Variants in SP2 observed in about 807,000 individuals in gnomAD.
SP2 encodes the protein transcription factor Sp2.
In SP2, 9 loss-of-function variants were observed where a neutral mutation model predicts 50.1. The observed-to-expected ratio is 0.18, with a 90% CI of 0.11 to 0.31. SP2 has a LOEUF of 0.31. Among genes scored for constraint, SP2 ranks in the 10% least tolerant of loss-of-function variants. The pLI is 1.00. For missense variants in SP2, 581 were observed against 806.5 expected (o/e 0.72, Z 3.39); for synonymous variants, 313 against 326.6 (o/e 0.96, Z 0.45).
chr17:47,906,779 G>A lies in SP2; in HGVS notation c.8-8533G>A, dbSNP rs570171951. On this transcript the variant is annotated intron_variant, in intron 1 of 6. Coordinates refer to ENST00000376741, the MANE Select transcript of SP2 (RefSeq NM_003110.6). ...TCAGTGCCCCAGGTGTCTGTGGCCA[G>A]CCCTAATGGAAGACCCACAGAGGGC... Among the ~76,000 whole-genome samples the A allele has an allele frequency of 1.5e-4, 23 of 152,280 alleles. No individual in the cohort carries two copies. The South Asian group carries it at 1.9e-3, about 12-fold the overall frequency.
chr17:47,917,714 A>G (rs1439643271), intron 3 of SP2: 3 of 404,230 alleles, frequency 7.4e-6, no homozygotes, highest in African/African-American at 6.3e-5. Context: ...TCCTGGGCTC[A>G]AGCAATCCTC....
chr17:47,927,531 C>CAAAA (rs61309845), intron 6 of SP2, among the ~76,000 whole-genome samples, 193 bp from the exon 7 acceptor site: 1 of 83,964 alleles, frequency 1.2e-5, no homozygotes, highest in Non-Finnish European at 2.4e-5. Flanking sequence ...GACTCCATCT[C>CAAAA]AAAAAAAAAA....
At chr17:47,910,372 A>G (rs1193982852) in intron 1 of SP2, among the ~76,000 whole-genome samples, 1 of 152,224 alleles carries the variant, frequency 6.6e-6, no homozygotes, top group Non-Finnish European at 1.5e-5. Flanking sequence ...TGTGTGGTGT[A>G]TGTATGCATA....
Position 47,923,284 on chromosome 17 carries a change from GC to G in SP2, c.1372+14del. 3.8e-6 allele frequency: 6 copies of G among 1,591,808 alleles called. No individual in the cohort carries two copies. Among genetic ancestry groups the G allele is most frequent in the Non-Finnish European group, 5.1e-6 (6 of 1,173,282 alleles). On this transcript the variant is annotated intron_variant, in intron 4 of 6. Transcript: ENST00000376741. ...ATCACCAACACAGGCGGTGAGGATGGCCCCTGTGGCCAGGGTGTTGGCAGTG... is the reference window on the plus strand; with the variant it reads ...ATCACCAACACAGGCGGTGAGGATGGCCCTGTGGCCAGGGTGTTGGCAGTG...
intron 3 of SP2, among the ~76,000 whole-genome samples, chr17:47,920,435 C>T (rs1447285095): frequency 3.9e-5 from 6 of 151,998 alleles, no homozygotes; most frequent in Non-Finnish European, 8.8e-5. Flanking sequence ...TACAGGCGAG[C>T]GCCACCATGC....
downstream of SP2, among the ~76,000 whole-genome samples, chr17:47,929,519 G>A (rs2035775471): frequency 6.6e-6 from 1 of 152,242 alleles, no homozygotes; most frequent in Non-Finnish European, 1.5e-5. Context: ...ACCCGATAGA[G>A]GACTCTGGCC....
intron 1 of SP2, among the ~76,000 whole-genome samples, chr17:47,906,435 C>A (rs1451043812): frequency 6.6e-6 from 1 of 152,162 alleles, no homozygotes; most frequent in Non-Finnish European, 1.5e-5. Context: ...ATGGCCCACC[C>A]TGGGGAGCCC....
chr17:47,924,118 T>C (rs1325734578), intron 4 of SP2, among the ~76,000 whole-genome samples: 1 of 151,222 alleles, frequency 6.6e-6, no homozygotes, highest in African/African-American at 2.4e-5. Context: ...AACTGTGTCC[T>C]CTTTTGTGTT....
intron 3 of SP2, among the ~76,000 whole-genome samples, chr17:47,918,858 T>C (rs991860201): frequency 1.3e-5 from 2 of 152,232 alleles, no homozygotes; most frequent in Non-Finnish European, 2.9e-5. Flanking sequence ...TAAAGTTTAA[T>C]TGGAGTGCAG....
intron 1 of SP2, 165 bp downstream of exon 1, chr17:47,896,458 G>A (rs1359800828): frequency 1.9e-6 from 1 of 537,108 alleles, no homozygotes; most frequent in East Asian, 3.5e-5. Flanking sequence ...ATTCCCGCCC[G>A]GAGGAGGAGC....
Position 47,916,494 on chromosome 17 carries a change from C to G in SP2, c.423C>G (p.Ser141Arg). 1 of 1,614,122 alleles carries G rather than the reference C, an allele frequency of 6.2e-7. No homozygotes were observed. Among genetic ancestry groups the G allele is most frequent in the Non-Finnish European group, 8.5e-7 (1 of 1,180,028 alleles). Residue 141 changes from serine (S) to arginine (R), a missense_variant, in exon 3 of 7, where the codon AGC (serine) becomes AGG (arginine). By Grantham distance (110) the Ser-to-Arg change is moderately radical. This residue lies in a region of SP2 where 397 missense variants were observed against 491.0 expected (regional missense o/e 0.81). Transcript: ENST00000376741. The surrounding 1 kb of genome is among the most constrained non-coding windows in gnomAD (Gnocchi z 4.7). The stretch of plus-strand genomic sequence containing the variant: ...AGGCGGTCCCTCAGATTCAGGCAAG[C>G]AATTCCCAAACCATCCAAGTACAGC... ...QYQAVPQIQASNSQTIQVQPN... is the reference protein window; with the variant it reads ...QYQAVPQIQARNSQTIQVQPN...
At chr17:47,903,962 CAA>C (rs1349516268) in intron 1 of SP2, among the ~76,000 whole-genome samples, 1 of 118,550 alleles carries the variant, frequency 8.4e-6, no homozygotes, top group African/African-American at 3.2e-5. Context: ...GACTTTGTCT[CAA>C]AAAAAAAAAA....
chr17:47,916,700 T>G lies in SP2; in HGVS notation c.629T>G (p.Val210Gly). The change falls in exon 3 of 7, where the codon GTG (valine) becomes GGG (glycine). Residue 210 changes from valine to glycine, a missense_variant. Val to Gly is a moderately radical substitution (Grantham distance 109). Transcript: ENST00000376741. This position sits in a 1 kb window ranked among gnomAD's most constrained non-coding sequence, Gnocchi z 4.7. Reference sequence around the variant, plus strand: ...AAGCTGACAGGTGGGGGCGGCAATGTGACGCTCACTCTGCCCGTCAACAAC... The same window carrying G: ...AAGCTGACAGGTGGGGGCGGCAATGGGACGCTCACTCTGCCCGTCAACAAC... ...VVKLTGGGGN[V>G]TLTLPVNNLV... 1 of 1,613,554 alleles carries G rather than the reference T, an allele frequency of 6.2e-7. No individual in the cohort carries two copies. Among genetic ancestry groups the G allele is most frequent in the African/African-American group, 1.3e-5 (1 of 75,006 alleles).
intron 3 of SP2, among the ~76,000 whole-genome samples, chr17:47,920,008 TTTTGTA>T (rs2144014285): frequency 6.6e-6 from 1 of 151,608 alleles, no homozygotes; most frequent in African/African-American, 2.4e-5. Context: ...GGCTAATTTT[TTTTGTA>T]TTTTTAGTAG....
At chr17:47,901,381 G>A (rs781237947) in intron 1 of SP2, among the ~76,000 whole-genome samples, 13 of 152,082 alleles carry the variant, frequency 8.5e-5, no homozygotes, top group Middle Eastern at 6.8e-3. Context: ...TCTTGACCTC[G>A]TGATCCATCC....
intron 1 of SP2, among the ~76,000 whole-genome samples, chr17:47,912,171 A>G (rs2035017711): frequency 6.6e-6 from 1 of 152,062 alleles, no homozygotes; most frequent in Non-Finnish European, 1.5e-5. Flanking sequence ...CCTTGTGGTC[A>G]CTCCTTCCTT....
In SP2 at chr17:47,922,975, C is replaced by T. The variant is rs373140962; in HGVS notation, c.1073C>T (p.Thr358Met). ...EPTPTQVYIR[T>M]PSGEVQTVLV... is the part of the protein sequence containing the mutation. ...GGCCCCTCCCAGGTCTACATCCGCA[C>T]GCCTTCCGGTGAGGTGCAGACAGTC... Residue 358 changes from threonine (T) to methionine (M), a missense_variant, in exon 4 of 7, where the codon ACG (threonine) becomes ATG (methionine). Physicochemically the swap from Thr to Met is moderately conservative, Grantham distance 81. Around this residue, in one of 2 missense-constraint regions of SP2, gnomAD observed 397 missense variants for 491.0 expected, o/e 0.81. Transcript: ENST00000376741. 143 of 1,611,944 alleles carry T rather than the reference C, an allele frequency of 8.9e-5. No individual in the cohort carries two copies. The highest frequency in any genetic ancestry group is 1.6e-4 in the East Asian group (7 of 44,848).
intron 1 of SP2, among the ~76,000 whole-genome samples, chr17:47,913,140 C>A (rs550005975): frequency 6.6e-6 from 1 of 152,096 alleles, no homozygotes; most frequent in Non-Finnish European, 1.5e-5. Flanking sequence ...GGATTACAGG[C>A]GTGAACCACC....
At position 47,925,053 on chromosome 17, in the gene SP2, A is replaced by C. The variant is rs1319113676; in HGVS notation, c.1507A>C (p.Met503Leu). ...ETQPGEKRRR[M>L]ACTCPNCKDG... Reference sequence around the variant, plus strand: ...CCAGCCCGGGGAGAAGCGGCGCCGCATGGCCTGCACGTGTCCCAACTGCAA... The same window carrying C: ...CCAGCCCGGGGAGAAGCGGCGCCGCCTGGCCTGCACGTGTCCCAACTGCAA... The change falls in exon 5 of 7, where the codon ATG (methionine) becomes CTG (leucine). Residue 503 changes from methionine (M) to leucine (L), a missense_variant. Transcript: ENST00000376741. The C allele has an allele frequency of 1.2e-6, 2 of 1,613,854 alleles. No individual in the cohort carries two copies. Among genetic ancestry groups the C allele is most frequent in the East Asian group, 4.5e-5 (2 of 44,878 alleles).
Sources: allele counts gnomAD v4.1 joint callset (sites outside exome capture counted in the v4.1 genomes callset), GRCh38; gene constraint gnomAD v4.1.1; regional missense constraint gnomAD v4.1.1; non-coding constraint Gnocchi (gnomAD v3.1); transcripts MANE v1.5; gene names NCBI Gene and HGNC (gene_info 2026-07-23, HGNC 2026-07-21).